TMEM273: variants seen among roughly 807,000 people sequenced by gnomAD.
TMEM273 encodes chromosome 10 open reading frame 128.
In TMEM273, 19 loss-of-function variants were observed where a neutral mutation model predicts 17.9. The ratio of observed to expected loss-of-function variants is 1.06; its 90% CI spans 0.74 to 1.55. The LOEUF is 1.55. Ranked by LOEUF, TMEM273 falls within the 40% of genes most tolerant of loss-of-function variation. The probability of loss-of-function intolerance (pLI) is 0.00; values close to 1 mark genes in which losing one functional copy is unlikely to be tolerated. For missense variants in TMEM273, 194 were observed against 155.6 expected (o/e 1.25, Z -1.31); for synonymous variants, 66 against 62.0 (o/e 1.07, Z -0.31).
chr10:49,172,178 T>G (rs1846617538), intron 1 of TMEM273, among the ~76,000 whole-genome samples: 1 of 152,154 alleles, frequency 6.6e-6, no homozygotes, highest in Admixed American at 6.5e-5. Context: ...AGGACAGGCT[T>G]CCTTATTCTC....
intron 5 of TMEM273, 46 bp downstream of exon 5, chr10:49,165,159 A>G: frequency 6.6e-7 from 1 of 1,511,474 alleles, no homozygotes; most frequent in Non-Finnish European, 8.8e-7. Context: ...AACTAAAGCC[A>G]AGCAAAGAGA....
intron 1 of TMEM273, among the ~76,000 whole-genome samples, chr10:49,175,092 C>T (rs1332946582): frequency 6.6e-6 from 1 of 151,738 alleles, no homozygotes; most frequent in Non-Finnish European, 1.5e-5. Flanking sequence ...ATGGAATGTG[C>T]CCAGACAGGG....
intron 1 of TMEM273, among the ~76,000 whole-genome samples, chr10:49,187,317 G>A (rs1830728411): frequency 6.6e-6 from 1 of 152,162 alleles, no homozygotes; most frequent in Non-Finnish European, 1.5e-5. Flanking sequence ...CAAGGCCAAA[G>A]TCTTTGCTCT....
chr10:49,185,702 G>A (rs1847621226), intron 1 of TMEM273, among the ~76,000 whole-genome samples: 1 of 152,118 alleles, frequency 6.6e-6, no homozygotes, highest in Non-Finnish European at 1.5e-5. Context: ...AGGATAGCCG[G>A]GCACGGTGGC....
intron 6 of TMEM273, chr10:49,156,219 A>G: frequency 7.1e-7 from 1 of 1,402,850 alleles, no homozygotes; most frequent in Non-Finnish European, 9.5e-7. Flanking sequence ...GAAACTTTTC[A>G]CTTTCTGTAG....
At chr10:49,161,697 G>A in intron 5 of TMEM273, 75 bp from the exon 6 acceptor site, 1 of 1,587,574 alleles carries the variant, frequency 6.3e-7, no homozygotes, top group Non-Finnish European at 8.7e-7. Context: ...CTTGCTGCAA[G>A]AGAGTGGCTT....
chr10:49,176,770 C>T (rs765448149), intron 1 of TMEM273, among the ~76,000 whole-genome samples: 25 of 152,090 alleles, frequency 1.6e-4, no homozygotes, highest in Admixed American at 1.6e-3. Flanking sequence ...CACCGGAGCC[C>T]CTTACTAAAC....
chr10:49,167,037 C>A (rs755885657), intron 2 of TMEM273, 28 bp from the exon 3 acceptor site: 1 of 1,610,396 alleles, frequency 6.2e-7, no homozygotes, highest in Non-Finnish European at 8.5e-7. Flanking sequence ...ATTGAACACC[C>A]GGTTTCAGTC....
intron 1 of TMEM273, among the ~76,000 whole-genome samples, chr10:49,175,318 A>T (rs1590229019): frequency 6.6e-6 from 1 of 152,052 alleles, no homozygotes; most frequent in Admixed American, 6.5e-5. Context: ...GTGCTTGGCC[A>T]CTCATATCTT....
At chr10:49,156,599 T>C (rs541679692) in intron 6 of TMEM273, among the ~76,000 whole-genome samples, 2 of 152,220 alleles carry the variant, frequency 1.3e-5, no homozygotes, top group African/African-American at 2.4e-5. Flanking sequence ...TATGCTTACA[T>C]TGAATGATGC....
intron 1 of TMEM273, among the ~76,000 whole-genome samples, chr10:49,184,562 A>G (rs1388954976): frequency 6.6e-6 from 1 of 152,262 alleles, no homozygotes; most frequent in African/African-American, 2.4e-5. Flanking sequence ...GATTAGGAAC[A>G]CACAAACTAA....
intron 1 of TMEM273, among the ~76,000 whole-genome samples, chr10:49,173,552 C>T (rs186065496): frequency 2.0e-5 from 3 of 152,340 alleles, no homozygotes; most frequent in African/African-American, 4.8e-5. Context: ...GTCCCCCTTG[C>T]TCTCGTCAGT....
intron 5 of TMEM273, among the ~76,000 whole-genome samples, chr10:49,163,867 T>C (rs1341258468): frequency 6.6e-6 from 1 of 152,178 alleles, no homozygotes; most frequent in Non-Finnish European, 1.5e-5. Context: ...AAAATCCATG[T>C]CCAGCTCATC....
chr10:49,167,321 T>G (rs545936282), intron 2 of TMEM273, among the ~76,000 whole-genome samples: 23 of 152,342 alleles, frequency 1.5e-4, no homozygotes, highest in Admixed American at 4.6e-4. Flanking sequence ...CACTGATCCC[T>G]TCGTTAATTC....
intron 5 of TMEM273, among the ~76,000 whole-genome samples, chr10:49,164,713 C>T (rs114753156): frequency 0.011 from 1,737 of 152,320 alleles, 18 homozygotes; most frequent in African/African-American, 0.04. Context: ...CCTCTGCATT[C>T]ATGAGCTTCT....
chr10:49,183,423 A>G (rs927437303), intron 1 of TMEM273, among the ~76,000 whole-genome samples: 1 of 152,086 alleles, frequency 6.6e-6, no homozygotes, highest in Non-Finnish European at 1.5e-5. Context: ...CAAGCAAATA[A>G]GATAAATTAT....
At chr10:49,161,647 T>C (rs1181823889) in intron 5 of TMEM273, 25 bp from the exon 6 acceptor site, 2 of 1,614,094 alleles carry the variant, frequency 1.2e-6, no homozygotes, top group Non-Finnish European at 1.7e-6. Context: ...AAAAGGGTGT[T>C]CATTGCCTAA....
intron 6 of TMEM273, among the ~76,000 whole-genome samples, chr10:49,157,267 A>C (rs1845568622): frequency 6.6e-6 from 1 of 152,210 alleles, no homozygotes; most frequent in South Asian, 2.1e-4. Context: ...ACCTCTGCAG[A>C]TGGGTGTGTC....
At chr10:49,178,298 G>A (rs1413647964) in intron 1 of TMEM273, 1 of 457,102 alleles carries the variant, frequency 2.2e-6, no homozygotes, top group Middle Eastern at 3.2e-4. Context: ...TCCCATTCTT[G>A]CAGACTGGCT....
Sources: gnomAD v4.1 joint callset for allele counts (sites outside exome capture counted in the v4.1 genomes callset) on GRCh38, gnomAD v4.1.1 for gene constraint, MANE v1.5 for transcripts, NCBI Gene and HGNC (gene_info 2026-07-23, HGNC 2026-07-21) for gene names.